DLG2: variants seen among roughly 807,000 people sequenced by gnomAD.
DLG2 encodes the protein discs large MAGUK scaffold protein 2.
DLG2 carries 45 observed loss-of-function variants against 132.5 expected under a neutral mutation model. The ratio of observed to expected loss-of-function variants is 0.34; its 90% CI spans 0.27 to 0.44. The LOEUF is 0.44. Among genes scored for constraint, DLG2 ranks in the 20% least tolerant of loss-of-function variants. DLG2 has a pLI of 1.00. For synonymous variants in DLG2, 424 were observed against 419.6 expected (o/e 1.01, Z -0.13); for missense variants, 1,045 against 1,196.9 (o/e 0.87, Z 1.87).
chr11:84,270,589 A>C (rs1227875915), intron 7 of DLG2, among the ~76,000 whole-genome samples: 1 of 152,192 alleles, frequency 6.6e-6, no homozygotes, highest in Non-Finnish European at 1.5e-5. Flanking sequence ...GTTTATTGTT[A>C]GTTCACAGAA....
intron 8 of DLG2, among the ~76,000 whole-genome samples, chr11:84,211,852 AGATAT>A (rs368105817): frequency 1.8e-4 from 28 of 152,212 alleles, no homozygotes; most frequent in African/African-American, 5.8e-4. Flanking sequence ...TGTGAAGATA[AGATAT>A]ATTTATCAAA....
intron 6 of DLG2, among the ~76,000 whole-genome samples, chr11:84,999,066 G>A (rs1015426688): frequency 6.6e-6 from 1 of 151,794 alleles, no homozygotes. Context: ...CAGAATCTTG[G>A]ATTCACTATA....
At chr11:83,787,414 C>T (rs559564715) in intron 17 of DLG2, among the ~76,000 whole-genome samples, 49 of 150,744 alleles carry the variant, frequency 3.3e-4, no homozygotes, top group African/African-American at 1.1e-3. Context: ...CTCCGCCTCC[C>T]GGGTTCACAC....
At chr11:85,166,357 T>C (rs1187340110) in intron 4 of DLG2, among the ~76,000 whole-genome samples, 1 of 152,158 alleles carries the variant, frequency 6.6e-6, no homozygotes, top group Non-Finnish European at 1.5e-5. Flanking sequence ...AATTGCATGC[T>C]TGTATTTCCT....
intron 6 of DLG2, among the ~76,000 whole-genome samples, chr11:84,592,149 C>A (rs1270522247): frequency 6.6e-6 from 1 of 152,184 alleles, no homozygotes; most frequent in Non-Finnish European, 1.5e-5. Context: ...AACCACGGCA[C>A]CCAGCCAAGT....
chr11:85,577,263 G>T (rs2153227221), intron 3 of DLG2, among the ~76,000 whole-genome samples: 1 of 152,186 alleles, frequency 6.6e-6, no homozygotes, highest in South Asian at 2.1e-4. Flanking sequence ...TACTGCAGTA[G>T]ACCAGATAAG....
chr11:83,632,971 T>C (rs2153459510), intron 19 of DLG2: 2 of 489,476 alleles, frequency 4.1e-6, no homozygotes, highest in East Asian at 6.7e-5. Context: ...ATGCTGAGCA[T>C]TTTATCCTGA....
At chr11:85,116,871 G>A (rs1006052931) in intron 5 of DLG2, among the ~76,000 whole-genome samples, 75 of 151,962 alleles carry the variant, frequency 4.9e-4, no homozygotes, top group African/African-American at 1.7e-3. Context: ...ATTTAGAAAG[G>A]GGGAGAATAT....
intron 15 of DLG2, among the ~76,000 whole-genome samples, chr11:83,881,708 C>A (rs901356707): frequency 5.9e-5 from 9 of 152,152 alleles, no homozygotes; most frequent in African/African-American, 2.2e-4. Flanking sequence ...ATGTCCACAG[C>A]AAGCAGAATG....
At chr11:84,051,077 C>A (rs2096366098) in intron 11 of DLG2, among the ~76,000 whole-genome samples, 1 of 152,042 alleles carries the variant, frequency 6.6e-6, no homozygotes, top group Admixed American at 6.6e-5. Flanking sequence ...CAGTGAGATA[C>A]CATCTCACAC....
chr11:83,542,065 G>A (rs1416427259), intron 19 of DLG2, among the ~76,000 whole-genome samples: 1 of 96,444 alleles, frequency 1.0e-5, no homozygotes, highest in East Asian at 2.6e-4. Context: ...AGGTTACAGG[G>A]GTGGCCTATA....
intron 6 of DLG2, chr11:84,545,799 AG>A (rs1247472954): frequency 7.1e-6 from 1 of 141,366 alleles, no homozygotes; most frequent in Non-Finnish European, 1.4e-5. Flanking sequence ...TCTGTAGCCC[AG>A]GCTGGAGTGA....
At chr11:83,762,724 G>A (rs1336952099) in intron 18 of DLG2, among the ~76,000 whole-genome samples, 3 of 152,090 alleles carry the variant, frequency 2.0e-5, no homozygotes, top group Admixed American at 6.5e-5. Context: ...GGGACTACAG[G>A]CGCATGCCGC....
chr11:84,779,545 C>G (rs1307744193), intron 6 of DLG2, among the ~76,000 whole-genome samples: 1 of 152,056 alleles, frequency 6.6e-6, no homozygotes, highest in Non-Finnish European at 1.5e-5. Context: ...AATTTGGATG[C>G]CTTTTCTTTC....
rs1344736336 is a variant in DLG2 at position 83,955,357 on chromosome 11, G to GTAAT, written c.1340+7527_1340+7528insATTA. 2.5e-3 allele frequency among the ~76,000 whole-genome samples: 380 copies of GTAAT among 152,264 alleles called. 2 individuals are homozygous for GTAAT. The highest frequency in any genetic ancestry group is 8.8e-3 in the African/African-American group (367 of 41,536). ...TATTCTACTGTAATTCTAAAGCCGG[G>GTAAT]TCAGTTGCCTGCTTAGGGTACTCTA... On this transcript the variant is annotated intron_variant, in intron 14 of 27. Coordinates refer to ENST00000376104, the MANE Select transcript of DLG2 (RefSeq NM_001142699.3).
At chr11:84,814,762 T>G (rs2076929927) in intron 6 of DLG2, among the ~76,000 whole-genome samples, 1 of 152,146 alleles carries the variant, frequency 6.6e-6, no homozygotes, top group South Asian at 2.1e-4. Context: ...GAGTTAAATA[T>G]GCCTTCTCTG....
At chr11:85,423,003 G>C (rs887822789) in intron 3 of DLG2, among the ~76,000 whole-genome samples, 1 of 152,082 alleles carries the variant, frequency 6.6e-6, no homozygotes, top group African/African-American at 2.4e-5. Flanking sequence ...TTTCTTGGAG[G>C]TGTTAAAGAA....
intron 6 of DLG2, among the ~76,000 whole-genome samples, chr11:85,060,542 C>T (rs907014987): frequency 5.3e-5 from 8 of 150,342 alleles, no homozygotes; most frequent in African/African-American, 1.5e-4. Context: ...TATATACACG[C>T]GTACATATAT....
At chr11:83,609,144 A>G (rs1275579186) in intron 19 of DLG2, among the ~76,000 whole-genome samples, 2 of 152,236 alleles carry the variant, frequency 1.3e-5, no homozygotes, top group Admixed American at 6.5e-5. Context: ...GATGGCAAGA[A>G]GAAGAGTACT....
Sources: allele counts gnomAD v4.1 joint callset (sites outside exome capture counted in the v4.1 genomes callset), GRCh38; gene constraint gnomAD v4.1.1; transcripts MANE v1.5; gene names NCBI Gene and HGNC (gene_info 2026-07-23, HGNC 2026-07-21).